The following FAP variants were observed in gnomAD, a reference collection of about 807,000 sequenced individuals.
FAP encodes the protein fibroblast activation protein alpha.
FAP carries 110 observed loss-of-function variants against 126.5 expected under a neutral mutation model. That is an observed-to-expected ratio of 0.87 (90% CI 0.74 to 1.02). The LOEUF is 1.02. Ranked by LOEUF, FAP falls within the 50% of genes least tolerant of loss-of-function variation. FAP has a pLI of 0.00. For synonymous variants in FAP, 334 were observed against 297.3 expected, an observed-to-expected ratio of 1.12 and a Z score of -1.27; for missense variants, 919 against 909.2, an observed-to-expected ratio of 1.01 and a Z score of -0.14.
Position 162,188,199 on chromosome 2 carries a change from T to C in FAP, c.1784A>G (p.Tyr595Cys). The change falls in exon 20 of 26, where the codon TAT (tyrosine) becomes TGT (cysteine). Residue 595 changes from tyrosine to cysteine, a missense_variant. By Grantham distance (194) the Tyr-to-Cys change is radical. Coordinates refer to ENST00000188790, the MANE Select transcript of FAP (RefSeq NM_004460.5). ...AGCTGTAATCTGGTCTTCAACTTCA[T>C]AAACACCCAGCTTTCGATACACTGC... ...LYAVYRKLGV[Y>C]EVEDQITAVR... is the part of the protein sequence containing the mutation. 1 of 1,613,128 alleles carries C rather than the reference T, an allele frequency of 6.2e-7. No homozygotes were observed. Among genetic ancestry groups the C allele is most frequent in the African/African-American group, 1.3e-5 (1 of 74,972 alleles).
intron 17 of FAP, among the ~76,000 whole-genome samples, chr2:162,192,582 C>T (rs1688089570): frequency 6.6e-6 from 1 of 152,078 alleles, no homozygotes; most frequent in Admixed American, 6.6e-5. Flanking sequence ...ACTTCCAAGG[C>T]CTGAGTTACC....
intron 2 of FAP, among the ~76,000 whole-genome samples, chr2:162,234,061 T>G (rs925931626): frequency 5.9e-5 from 9 of 152,222 alleles, no homozygotes; most frequent in African/African-American, 1.9e-4. Context: ...TCCATTGATC[T>G]ATATATCTAT....
chr2:162,232,394 T>C (rs1322179808), intron 2 of FAP, among the ~76,000 whole-genome samples: 1 of 152,212 alleles, frequency 6.6e-6, no homozygotes, highest in Non-Finnish European at 1.5e-5. Flanking sequence ...TGGTTTTAGA[T>C]ACTTTGCCAC....
At chr2:162,187,482 C>T (rs1462864528) in intron 20 of FAP, among the ~76,000 whole-genome samples, 1 of 151,966 alleles carries the variant, frequency 6.6e-6, no homozygotes, top group African/African-American at 2.4e-5. Context: ...GAATTATTTG[C>T]ACAGTGTTTC....
chr2:162,191,166 A>G (rs1278940821), intron 17 of FAP, among the ~76,000 whole-genome samples: 2 of 152,098 alleles, frequency 1.3e-5, no homozygotes, highest in Non-Finnish European at 2.9e-5. Flanking sequence ...TACTATTTGT[A>G]TTATTTTACC....
At chr2:162,199,623 T>C (rs951085597) in intron 15 of FAP, among the ~76,000 whole-genome samples, 1 of 152,194 alleles carries the variant, frequency 6.6e-6, no homozygotes, top group Admixed American at 6.5e-5. Flanking sequence ...TGCCAGGGTC[T>C]GGACAGGTCA....
At chr2:162,223,886 A>T (rs538577358) in intron 5 of FAP, among the ~76,000 whole-genome samples, 1 of 152,244 alleles carries the variant, frequency 6.6e-6, no homozygotes, top group South Asian at 2.1e-4. Context: ...CTCAGCAGTG[A>T]TTCAACCCTC....
chr2:162,224,577 G>A, intron 4 of FAP, 37 bp from the exon 5 acceptor site: 1 of 1,259,420 alleles, frequency 7.9e-7, no homozygotes. Context: ...ATACAGAAAA[G>A]ATAACAAAGA....
chr2:162,221,266 C>G (rs1260902897), intron 6 of FAP, among the ~76,000 whole-genome samples: 1 of 151,996 alleles, frequency 6.6e-6, no homozygotes, highest in Non-Finnish European at 1.5e-5. Flanking sequence ...CAGGCCTGGC[C>G]GGCTCGCTCA....
intron 11 of FAP, among the ~76,000 whole-genome samples, chr2:162,213,358 G>C (rs1198814839): frequency 1.4e-5 from 2 of 147,176 alleles, no homozygotes; most frequent in Non-Finnish European, 3.0e-5. Flanking sequence ...CCTGGCGACA[G>C]AGCGAGACGC....
Position 162,188,381 on chromosome 2 carries a change from A to C in FAP, c.1620-18T>G. On this transcript the variant is annotated intron_variant, in intron 19 of 25. Transcript: ENST00000188790. ...CACCATACCTAAAGGAAAAACAAAAAAAACAAGAATCTTTGATTGCTTTGT... is the reference window on the plus strand; with the variant it reads ...CACCATACCTAAAGGAAAAACAAAACAAACAAGAATCTTTGATTGCTTTGT... 1 of 1,603,978 alleles carries C rather than the reference A, an allele frequency of 6.2e-7. No homozygotes were observed. Among genetic ancestry groups the C allele is most frequent in the Non-Finnish European group, 8.5e-7 (1 of 1,174,676 alleles).
chr2:162,179,391 A>T (rs901312806), intron 21 of FAP, among the ~76,000 whole-genome samples: 2 of 152,046 alleles, frequency 1.3e-5, no homozygotes, highest in African/African-American at 2.4e-5. Context: ...GGAGACATTG[A>T]TTTATAGGAT....
intron 16 of FAP, among the ~76,000 whole-genome samples, chr2:162,196,338 G>A (rs1156266172): frequency 6.6e-6 from 1 of 152,226 alleles, no homozygotes; most frequent in Middle Eastern, 3.4e-3. Flanking sequence ...TTATTGCAGA[G>A]ATTTTCATTT....
At chr2:162,197,835 A>T in intron 16 of FAP, 1 of 341,560 alleles carries the variant, frequency 2.9e-6, no homozygotes. Flanking sequence ...AGGGTAGCAT[A>T]CATTTTGTAA....
At chr2:162,240,063 C>T (rs899589055) in intron 2 of FAP, among the ~76,000 whole-genome samples, 7 of 151,832 alleles carry the variant, frequency 4.6e-5, no homozygotes, top group Admixed American at 1.3e-4. Context: ...TATTCACAGA[C>T]GAAGAGGGGT....
intron 22 of FAP, among the ~76,000 whole-genome samples, chr2:162,174,219 C>T (rs1687406819): frequency 6.6e-6 from 1 of 152,128 alleles, no homozygotes; most frequent in South Asian, 2.1e-4. Context: ...ATTCCCCCTA[C>T]ACACGTACAT....
At chr2:162,213,089 A>G (rs1027055124) in intron 11 of FAP, among the ~76,000 whole-genome samples, 1 of 152,174 alleles carries the variant, frequency 6.6e-6, no homozygotes, top group Non-Finnish European at 1.5e-5. Context: ...TAAAATAAAA[A>G]TATTTGGGCT....
intron 12 of FAP, among the ~76,000 whole-genome samples, chr2:162,205,266 T>C (rs1688660154): frequency 6.6e-6 from 1 of 152,204 alleles, no homozygotes; most frequent in Non-Finnish European, 1.5e-5. Context: ...ACATGATTCC[T>C]ACATTAGTTT....
At chr2:162,180,691 G>C (rs1032978688) in intron 21 of FAP, among the ~76,000 whole-genome samples, 1 of 152,162 alleles carries the variant, frequency 6.6e-6, no homozygotes, top group Non-Finnish European at 1.5e-5. Flanking sequence ...CTCAGATTTC[G>C]AATTTGGGTG....
Sources: gnomAD v4.1 joint callset for allele counts (sites outside exome capture counted in the v4.1 genomes callset) on GRCh38, gnomAD v4.1.1 for gene constraint, MANE v1.5 for transcripts, NCBI Gene and HGNC (gene_info 2026-07-23, HGNC 2026-07-21) for gene names.